Variants in AHI1 observed in about 807,000 individuals in gnomAD.
The protein encoded by AHI1 is Abelson helper integration site 1.
Under a neutral mutation model 149.3 loss-of-function variants are expected in AHI1, and 123 were observed. That is an observed-to-expected ratio of 0.82 (90% CI 0.71 to 0.96). The LOEUF (loss-of-function observed/expected upper bound fraction) is 0.96, where lower values mean the gene tolerates loss of function less well. Among genes scored for constraint, AHI1 ranks in the 40% least tolerant of loss-of-function variants. AHI1 has a pLI of 0.00. For missense variants in AHI1, 1,439 were observed against 1,422.7 expected (o/e 1.01, Z -0.18); for synonymous variants, 475 against 459.8 (o/e 1.03, Z -0.42).
In AHI1 at chr6:135,324,413, T is replaced by C. The variant is rs17064424; in HGVS notation, c.3166-1089A>G. On this transcript the variant is annotated intron_variant, in intron 24 of 28. Transcript: ENST00000265602. ...CATTTTAGATTTAGATCTGATACAC[T>C]GTATAAAGTAGGACATAATAACATC... Among the ~76,000 whole-genome samples the C allele has an allele frequency of 4.0e-3, 613 of 152,136 alleles. 1 individual carries two copies. The highest frequency in any genetic ancestry group is 0.014 in the African/African-American group (589 of 41,508).
chr6:135,333,879 A>G (rs1788967983), intron 24 of AHI1, among the ~76,000 whole-genome samples: 1 of 152,218 alleles, frequency 6.6e-6, no homozygotes, highest in South Asian at 2.1e-4. Context: ...AATTATATCA[A>G]AAGAACAGCA....
At chr6:135,323,379 C>T (rs1340043971) in intron 24 of AHI1, 55 bp from the exon 25 acceptor site, 1 of 1,557,680 alleles carries the variant, frequency 6.4e-7, no homozygotes, top group African/African-American at 1.4e-5. Context: ...ACAGAGAAAA[C>T]CCCCAACATT....
chr6:135,415,308 T>C (rs1435171691), intron 20 of AHI1, among the ~76,000 whole-genome samples: 1 of 152,180 alleles, frequency 6.6e-6, no homozygotes, highest in East Asian at 1.9e-4. Context: ...GCATGATTTA[T>C]AGTCCTTTGG....
intron 20 of AHI1, among the ~76,000 whole-genome samples, chr6:135,415,235 C>T (rs1282817811): frequency 5.9e-5 from 9 of 151,944 alleles, no homozygotes; most frequent in Non-Finnish European, 1.5e-5. Context: ...TGGGTTGGTT[C>T]CAAGTCTTTC....
At chr6:135,286,518 A>C (rs1781707754) in intron 28 of AHI1, 1 of 152,202 alleles carries the variant, frequency 6.6e-6, no homozygotes. Context: ...AACTCCATCG[A>C]CCACTCCTGA....
At chr6:135,361,455 A>C (rs901154245) in intron 23 of AHI1, among the ~76,000 whole-genome samples, 1 of 152,146 alleles carries the variant, frequency 6.6e-6, no homozygotes, top group African/African-American at 2.4e-5. Context: ...TCATTTACAA[A>C]GAATGTTTTG....
At chr6:135,463,063 T>A in intron 8 of AHI1, 62 bp downstream of exon 8, 1 of 1,389,544 alleles carries the variant, frequency 7.2e-7, no homozygotes. Context: ...AGGGCTAAAA[T>A]TCCTAGAATC....
intron 24 of AHI1, among the ~76,000 whole-genome samples, chr6:135,351,713 T>A (rs1319505081): frequency 6.6e-6 from 1 of 152,190 alleles, no homozygotes; most frequent in East Asian, 1.9e-4. Context: ...TAAGTTTTCA[T>A]CTGACAGGTG....
At chr6:135,482,082 T>C (rs183353762) in intron 5 of AHI1, among the ~76,000 whole-genome samples, 127 of 152,338 alleles carry the variant, frequency 8.3e-4, no homozygotes, top group Admixed American at 1.8e-3. Flanking sequence ...TGAGCTTCTC[T>C]GATCTGTGGG....
chr6:135,395,851 C>T (rs1281970394), intron 22 of AHI1, among the ~76,000 whole-genome samples: 1 of 119,478 alleles, frequency 8.4e-6, no homozygotes, highest in Non-Finnish European at 2.0e-5. Flanking sequence ...TTAAAACAGC[C>T]CCTTTCCCAT....
chr6:135,398,121 T>A (rs1406598786), intron 22 of AHI1, among the ~76,000 whole-genome samples: 1 of 145,610 alleles, frequency 6.9e-6, no homozygotes, highest in African/African-American at 2.5e-5. Context: ...ATATCAGTAT[T>A]AAAGAAAAAG....
intron 5 of AHI1, among the ~76,000 whole-genome samples, chr6:135,482,894 C>CTGTTTTTTTTTTTTTTTTTTTTTTTTTT (rs1793899273): frequency 1.8e-5 from 1 of 55,734 alleles, no homozygotes; most frequent in African/African-American, 9.3e-5. Context: ...CCATTTAAGG[C>CTGTTTTTTTTTTTTTTTTTTTTTTTTTT]TTTTTTTTTT....
At chr6:135,419,067 G>A (rs750024913) in intron 20 of AHI1, among the ~76,000 whole-genome samples, 1 of 151,564 alleles carries the variant, frequency 6.6e-6, no homozygotes, top group Non-Finnish European at 1.5e-5. Flanking sequence ...GGTAGCCTGT[G>A]TTTCAGGGCC....
At chr6:135,370,841 CTTTT>C (rs899076538) in intron 23 of AHI1, among the ~76,000 whole-genome samples, 1 of 151,800 alleles carries the variant, frequency 6.6e-6, no homozygotes, top group African/African-American at 2.4e-5. Flanking sequence ...GTGGATACTC[CTTTT>C]TTTTCTTGCC....
intron 19 of AHI1, among the ~76,000 whole-genome samples, 188 bp from the exon 20 acceptor site, chr6:135,427,495 C>T (rs2128006462): frequency 6.6e-6 from 1 of 151,616 alleles, no homozygotes; most frequent in East Asian, 1.9e-4. Flanking sequence ...ATTTTACATT[C>T]CACTGACCCT....
intron 7 of AHI1, among the ~76,000 whole-genome samples, chr6:135,464,034 T>C (rs1362613328): frequency 6.6e-6 from 1 of 152,188 alleles, no homozygotes; most frequent in Non-Finnish European, 1.5e-5. Flanking sequence ...TTAAAATCTA[T>C]ATCACATGAA....
chr6:135,463,269 G>T lies in AHI1; in HGVS notation c.787C>A (p.Gln263Lys). The change falls in exon 8 of 29, where the codon CAA becomes AAA. Residue 263 changes from glutamine (Q) to lysine (K), a missense_variant. Coordinates refer to ENST00000265602, the MANE Select transcript of AHI1 (RefSeq NM_001134831.2). Reference protein sequence around the residue: ...TISGDTVEGEQKKESSVRSVS... With the variant: ...TISGDTVEGEKKKESSVRSVS... ...GATCTAACTGAAGATTCTTTCTTTT[G>T]TTCACCTTCAACTGTGTCACCAGAG... 6.2e-7 allele frequency: 1 copy of T among 1,608,920 alleles called. No homozygotes were observed. Among genetic ancestry groups the T allele is most frequent in the South Asian group, 1.1e-5 (1 of 90,528 alleles).
intron 23 of AHI1, among the ~76,000 whole-genome samples, chr6:135,360,318 G>A (rs1267598195): frequency 6.6e-6 from 1 of 152,134 alleles, no homozygotes; most frequent in African/African-American, 2.4e-5. Context: ...GGTTTTAGAT[G>A]GAATTAACAT....
At chr6:135,473,856 C>T (rs1005118146) in intron 5 of AHI1, among the ~76,000 whole-genome samples, 10 of 152,128 alleles carry the variant, frequency 6.6e-5, no homozygotes, top group Admixed American at 2.6e-4. Context: ...CTAATACAGA[C>T]GGTCCCTGAA....
Sources: allele counts gnomAD v4.1 joint callset (sites outside exome capture counted in the v4.1 genomes callset), GRCh38; gene constraint gnomAD v4.1.1; transcripts MANE v1.5; gene names NCBI Gene and HGNC (gene_info 2026-07-23, HGNC 2026-07-21).